PLEKHA2: variants seen among roughly 807,000 people sequenced by gnomAD.
PLEKHA2 encodes the protein pleckstrin homology domain containing A2, also known as pleckstrin homology domain-containing family A member 2.
Under a neutral mutation model 53.2 loss-of-function variants are expected in PLEKHA2, and 28 were observed. The observed-to-expected ratio is 0.53, with a 90% CI of 0.39 to 0.72. The LOEUF is 0.72. Among genes scored for constraint, PLEKHA2 ranks in the 30% least tolerant of loss-of-function variants. The pLI, the probability that PLEKHA2 is intolerant of heterozygous loss-of-function variation, is 0.00. For missense variants in PLEKHA2, 426 were observed against 537.9 expected (o/e 0.79, Z 2.06); for synonymous variants, 193 against 196.4 (o/e 0.98, Z 0.14).
intron 1 of PLEKHA2, among the ~76,000 whole-genome samples, chr8:38,908,194 G>A (rs1182795281): frequency 6.6e-6 from 1 of 152,128 alleles, no homozygotes; most frequent in Non-Finnish European, 1.5e-5. Context: ...CTGTTGGCCC[G>A]AGGACCTGGG....
In PLEKHA2 at chr8:38,901,385, G is replaced by T. The variant is rs1833781091; in HGVS notation, c.-84G>T. ...CTGGAGCGCGGCGGACCCGGCGGCC[G>T]GAGGGGCGACCCCGCCCGATGTAAC... On this transcript the variant is annotated 5_prime_UTR_variant, in exon 1 of 12. Coordinates refer to ENST00000617275, the MANE Select transcript of PLEKHA2 (RefSeq NM_021623.2). 6.6e-6 allele frequency: 1 copy of T among 151,976 alleles called. No homozygotes were observed. The highest frequency in any genetic ancestry group is 1.9e-4 in the East Asian group (1 of 5,170). The allele number at this position is 151,976 out of a possible 1,614,324, so 9.4% of individuals were successfully genotyped here.
chr8:38,952,588 T>C, intron 7 of PLEKHA2, 48 bp from the exon 8 acceptor site: 4 of 1,566,388 alleles, frequency 2.6e-6, no homozygotes, highest in Non-Finnish European at 3.5e-6. Context: ...CCCTCCACAA[T>C]GCTGGGCACC....
intron 10 of PLEKHA2, among the ~76,000 whole-genome samples, chr8:38,966,496 C>G (rs1442601179): frequency 6.6e-6 from 1 of 152,172 alleles, no homozygotes; most frequent in Non-Finnish European, 1.5e-5. Flanking sequence ...TGTCTGGCAC[C>G]TGATGCAGCA....
intron 5 of PLEKHA2, among the ~76,000 whole-genome samples, chr8:38,950,055 A>AT (rs147409261): frequency 0.035 from 5,242 of 151,582 alleles, 281 homozygotes; most frequent in African/African-American, 0.12. Context: ...TTTATTTTGT[A>AT]TTTTTTTCGA....
rs536777376 is a variant in PLEKHA2 at position 38,911,114 on chromosome 8, C to T, written c.-23-6793C>T. On this transcript the variant is annotated intron_variant, in intron 1 of 11. Coordinates refer to ENST00000617275, the MANE Select transcript of PLEKHA2 (RefSeq NM_021623.2). ...CCTTCTCTTACAAATACCCTGTGTG[C>T]TTTGTTAGCTGTGTGTTGTGAAGGC... Among the ~76,000 whole-genome samples, 10 of 152,232 alleles carry T rather than the reference C, an allele frequency of 6.6e-5. No homozygotes were observed. In the South Asian group the frequency reaches 2.1e-3, roughly 32 times the overall value.
At chr8:38,923,150 G>A (rs1360772167) in intron 2 of PLEKHA2, among the ~76,000 whole-genome samples, 1 of 152,152 alleles carries the variant, frequency 6.6e-6, no homozygotes, top group Non-Finnish European at 1.5e-5. Flanking sequence ...CCAATATTTG[G>A]GTTGAAGGAG....
At chr8:38,917,875 C>G (rs922846195) in intron 1 of PLEKHA2, 32 bp from the exon 2 acceptor site, 3 of 1,590,884 alleles carry the variant, frequency 1.9e-6, no homozygotes, top group Admixed American at 1.7e-5. Context: ...GCTTCATCTT[C>G]CTTCTCATCA....
intron 3 of PLEKHA2, among the ~76,000 whole-genome samples, chr8:38,940,893 A>ATT (rs373183421): frequency 0.13 from 18,211 of 141,088 alleles, 1,295 homozygotes; most frequent in South Asian, 0.22. Flanking sequence ...ATAATTGGCT[A>ATT]TTATATATAT....
intron 6 of PLEKHA2, among the ~76,000 whole-genome samples, chr8:38,951,300 A>G (rs1289939778): frequency 1.3e-5 from 2 of 152,206 alleles, no homozygotes; most frequent in South Asian, 4.1e-4. Context: ...CATGGCAAAC[A>G]AGGCTGGAAA....
intron 2 of PLEKHA2, among the ~76,000 whole-genome samples, chr8:38,923,763 T>C (rs1031102705): frequency 2.6e-5 from 4 of 152,134 alleles, no homozygotes; most frequent in African/African-American, 9.7e-5. Context: ...TAGATCCAGA[T>C]GTTGAAGGGT....
intron 5 of PLEKHA2, among the ~76,000 whole-genome samples, chr8:38,948,755 G>A (rs1219036893): frequency 6.6e-6 from 1 of 152,210 alleles, no homozygotes; most frequent in Non-Finnish European, 1.5e-5. Flanking sequence ...TTCTCTCGAA[G>A]TCCCGGTGAC....
chr8:38,920,232 G>A (rs1367526627), intron 2 of PLEKHA2, among the ~76,000 whole-genome samples: 2 of 150,802 alleles, frequency 1.3e-5, no homozygotes, highest in East Asian at 4.0e-4. Context: ...CTCGCTGCAA[G>A]CTCTGCCTCC....
At chr8:38,968,551 G>T in intron 10 of PLEKHA2, 41 bp from the exon 11 acceptor site, 1 of 1,597,462 alleles carries the variant, frequency 6.3e-7, no homozygotes, top group Non-Finnish European at 8.6e-7. Flanking sequence ...TGAAATCATA[G>T]TGCCTAAAAT....
intron 3 of PLEKHA2, among the ~76,000 whole-genome samples, chr8:38,936,942 C>A (rs1394228117): frequency 6.6e-6 from 1 of 152,220 alleles, no homozygotes; most frequent in Non-Finnish European, 1.5e-5. Flanking sequence ...CCTGCACATC[C>A]CCTTTCATCC....
chr8:38,932,251 C>T (rs1834407309), intron 2 of PLEKHA2, among the ~76,000 whole-genome samples: 1 of 152,234 alleles, frequency 6.6e-6, no homozygotes, highest in Non-Finnish European at 1.5e-5. Context: ...CCACCTCAGC[C>T]TCCCCAGGTG....
chr8:38,906,543 T>C (rs1833877816), intron 1 of PLEKHA2, among the ~76,000 whole-genome samples: 1 of 152,218 alleles, frequency 6.6e-6, no homozygotes, highest in Admixed American at 6.5e-5. Context: ...CCGCCATTCC[T>C]GTACATGTTT....
At chr8:38,944,749 G>T (rs1190925069) in intron 4 of PLEKHA2, among the ~76,000 whole-genome samples, 1 of 152,190 alleles carries the variant, frequency 6.6e-6, no homozygotes, top group Admixed American at 6.5e-5. Flanking sequence ...AATTGAACAT[G>T]AGATTTGGGT....
Position 38,902,672 on chromosome 8 carries a change from C to A in PLEKHA2, c.-24+1227C>A, listed in dbSNP as rs904150163. ...TCATTTTTTTTCTTTGGTTGCGAAG[C>A]CTTCCGAAACAGCAAAGCAAAAGAT... On this transcript the variant is annotated intron_variant, in intron 1 of 11. Transcript: ENST00000617275. Among the ~76,000 whole-genome samples, 109 of 152,262 alleles carry A rather than the reference C, an allele frequency of 7.2e-4. 2 individuals are homozygous for A. Among genetic ancestry groups the A allele is most frequent in the African/African-American group, 2.6e-3 (107 of 41,538 alleles).
At position 38,971,624 on chromosome 8, in the gene PLEKHA2, T is replaced by G. The variant is rs1357951400; in HGVS notation, c.*1841T>G. ...TTTTGGTGTATACATTGTGAAAATC[T>G]ACCCATTTATCTCTCTCTCTCTCTT... On this transcript the variant is annotated 3_prime_UTR_variant, in exon 12 of 12. Coordinates refer to ENST00000617275, the MANE Select transcript of PLEKHA2 (RefSeq NM_021623.2). The G allele has an allele frequency of 6.6e-6, 1 of 152,224 alleles. No homozygotes were observed. The highest frequency in any genetic ancestry group is 2.4e-5 in the African/African-American group (1 of 41,444). 9.4% of individuals were successfully genotyped at this position (152,224 alleles called of 1,614,324 possible).
Sources: gnomAD v4.1 joint callset for allele counts (sites outside exome capture counted in the v4.1 genomes callset) on GRCh38, gnomAD v4.1.1 for gene constraint, MANE v1.5 for transcripts, NCBI Gene and HGNC (gene_info 2026-07-23, HGNC 2026-07-21) for gene names.